The following FAM186A variants were observed in gnomAD, a reference collection of about 807,000 sequenced individuals.
The protein encoded by FAM186A is protein FAM186A.
Under a neutral mutation model 216.8 loss-of-function variants are expected in FAM186A, and 163 were observed. The ratio of observed to expected loss-of-function variants is 0.75; its 90% CI spans 0.66 to 0.86. The LOEUF is 0.86. Ranked by LOEUF, FAM186A falls within the 40% of genes least tolerant of loss-of-function variation. The pLI is 0.00. For synonymous variants in FAM186A, 805 were observed against 1,025.3 expected, an observed-to-expected ratio of 0.79 and a Z score of 4.10; for missense variants, 2,184 against 2,746.2, an observed-to-expected ratio of 0.80 and a Z score of 4.58.
At chr12:50,334,581 G>A (rs1478438445) in intron 4 of FAM186A, among the ~76,000 whole-genome samples, 3 of 150,682 alleles carry the variant, frequency 2.0e-5, no homozygotes, top group Admixed American at 6.6e-5. Flanking sequence ...GGGTTCAAGC[G>A]ATTCTCATGC....
At position 50,355,110 on chromosome 12, in the gene FAM186A, C is replaced by A. The variant is rs527295978; in HGVS notation, c.1722G>T (p.Leu574Phe). The change falls in exon 4 of 8, where the codon TTG becomes TTT. Residue 574 changes from leucine to phenylalanine, a missense_variant. Transcript: ENST00000327337. Reference protein sequence around the residue: ...EIKVEPTTESLDKEGKGEIRS... With the variant: ...EIKVEPTTESFDKEGKGEIRS... ...TAATTTCACCTTTGCCCTCTTTGTCCAATGACTCAGTGGTGGGTTCCACTT... is the reference window on the plus strand; with the variant it reads ...TAATTTCACCTTTGCCCTCTTTGTCAAATGACTCAGTGGTGGGTTCCACTT... 89 of 1,551,652 alleles carry A rather than the reference C, an allele frequency of 5.7e-5. No individual in the cohort carries two copies. In the South Asian group the frequency reaches 1.0e-3, roughly 17 times the overall value.
chr12:50,339,755 C>T (rs1211852093), intron 4 of FAM186A, among the ~76,000 whole-genome samples: 2 of 150,852 alleles, frequency 1.3e-5, no homozygotes, highest in Non-Finnish European at 3.0e-5. Flanking sequence ...CACACACACA[C>T]ACACACACAC....
intron 2 of FAM186A, 65 bp downstream of exon 2, chr12:50,363,080 T>C: frequency 2.3e-6 from 3 of 1,308,086 alleles, no homozygotes; most frequent in Non-Finnish European, 3.1e-6. Context: ...AAAATTTACT[T>C]ATATATTCTC....
In FAM186A at chr12:50,396,319, G is replaced by T; in HGVS notation, c.166C>A (p.Arg56Ser). 1 of 1,550,298 alleles carries T rather than the reference G, an allele frequency of 6.5e-7. No homozygotes were observed. Among genetic ancestry groups the T allele is most frequent in the Non-Finnish European group, 8.7e-7 (1 of 1,146,622 alleles). ...SVKDIISRIE[R>S]AQLHRAREDI... ...TCTCTGGCTCGATGGAGCTGTGCGCGCTCAATCCTAGAGATGATATCCTTT... is the reference window on the plus strand; with the variant it reads ...TCTCTGGCTCGATGGAGCTGTGCGCTCTCAATCCTAGAGATGATATCCTTT... Residue 56 changes from arginine to serine, a missense_variant, in exon 1 of 8, where the codon CGC (arginine) becomes AGC (serine). By Grantham distance (110) the Arg-to-Ser change is moderately radical. Around this residue, in one of 7 missense-constraint regions of FAM186A, gnomAD observed 1,132 missense variants for 1,263.4 expected, o/e 0.90. Transcript: ENST00000327337.
At chr12:50,389,256 T>C (rs986642892) in intron 1 of FAM186A, among the ~76,000 whole-genome samples, 1 of 151,868 alleles carries the variant, frequency 6.6e-6, no homozygotes, top group Non-Finnish European at 1.5e-5. Flanking sequence ...ATCCCAGCAC[T>C]TTGGGAGGCC....
At chr12:50,359,109 T>TA (rs35391111) in intron 3 of FAM186A, among the ~76,000 whole-genome samples, 8,662 of 149,660 alleles carry the variant, frequency 0.058, 317 homozygotes, top group East Asian at 0.14. Context: ...ATGGCCATAA[T>TA]AAAAAAAAAG....
At chr12:50,350,208 A>T in intron 4 of FAM186A, 121 bp downstream of exon 4, 1 of 904,026 alleles carries the variant, frequency 1.1e-6, no homozygotes, top group Non-Finnish European at 1.6e-6. Flanking sequence ...CATAGACCTT[A>T]TATAAGGCAG....
intron 4 of FAM186A, among the ~76,000 whole-genome samples, chr12:50,346,201 A>AAGAAAG (rs375573446): frequency 1.3e-5 from 1 of 76,700 alleles, no homozygotes; most frequent in Admixed American, 2.0e-4. Context: ...GAAAGAAAGA[A>AAGAAAG]AGAGAGAGAG....
chr12:50,368,586 T>A (rs1943112809), intron 1 of FAM186A, among the ~76,000 whole-genome samples: 1 of 152,132 alleles, frequency 6.6e-6, no homozygotes, highest in South Asian at 2.1e-4. Flanking sequence ...ATGTCAATAC[T>A]ACCCAAACCA....
chr12:50,365,569 C>G (rs930449646), intron 1 of FAM186A: 3 of 392,392 alleles, frequency 7.6e-6, no homozygotes, highest in Admixed American at 4.1e-5. Flanking sequence ...ACTGAACTTT[C>G]TCTACAGTCC....
rs1474359080 is a variant in FAM186A, at chr12:50,355,915, AT to A, written c.916del (p.Ile306TyrfsTer32). 1.3e-6 allele frequency: 2 copies of A among 1,551,402 alleles called. No individual in the cohort carries two copies. Among genetic ancestry groups the A allele is most frequent in the East Asian group, 4.9e-5 (2 of 40,922 alleles). On this transcript the variant is annotated frameshift_variant, in exon 4 of 8. Transcript: ENST00000327337. LOFTEE classifies it high-confidence loss of function. ...EAEKELSLKI[I>X]RDLSNENEML... Reference sequence around the variant, plus strand: ...TTCATTTTCGTTACTGAGATCTCGTATTATCTTCAGAGAGAGCTCCTTTTCT... The same window carrying A: ...TTCATTTTCGTTACTGAGATCTCGTATATCTTCAGAGAGAGCTCCTTTTCT...
At chr12:50,329,629 A>T (rs938243190) in intron 7 of FAM186A, among the ~76,000 whole-genome samples, 1 of 147,198 alleles carries the variant, frequency 6.8e-6, no homozygotes, top group African/African-American at 2.5e-5. Context: ...ACAGAGTCTC[A>T]CTCTATTGCC....
At chr12:50,338,870 A>G (rs1942736317) in intron 4 of FAM186A, among the ~76,000 whole-genome samples, 1 of 152,194 alleles carries the variant, frequency 6.6e-6, no homozygotes, top group Admixed American at 6.5e-5. Flanking sequence ...AAGCCCCTGT[A>G]TGCACATAAC....
chr12:50,345,849 A>G (rs140280907), intron 4 of FAM186A, among the ~76,000 whole-genome samples: 187 of 152,118 alleles, frequency 1.2e-3, no homozygotes, highest in African/African-American at 4.3e-3. Context: ...TTTTGGTTCC[A>G]TATGAATTTT....
intron 1 of FAM186A, among the ~76,000 whole-genome samples, chr12:50,380,496 T>A (rs1943243779): frequency 7.7e-6 from 1 of 129,680 alleles, no homozygotes; most frequent in African/African-American, 3.1e-5. Context: ...GCCAACATGA[T>A]GAAACCCTGT....
chr12:50,385,217 A>G (rs1367616362), intron 1 of FAM186A, among the ~76,000 whole-genome samples: 3 of 149,344 alleles, frequency 2.0e-5, no homozygotes, highest in African/African-American at 7.3e-5. Flanking sequence ...CAGGAGTTCA[A>G]GACCAGCCTG....
chr12:50,336,095 A>C (rs1334895979), intron 4 of FAM186A, among the ~76,000 whole-genome samples: 1 of 149,634 alleles, frequency 6.7e-6, no homozygotes, highest in Non-Finnish European at 1.5e-5. Context: ...ATTGCACTCC[A>C]GCCTGGGTGA....
intron 3 of FAM186A, among the ~76,000 whole-genome samples, chr12:50,358,784 G>A (rs7973243): frequency 0.49 from 74,831 of 151,182 alleles, 22,011 homozygotes; most frequent in Non-Finnish European, 0.64. Context: ...TTAACCATGC[G>A]TGGTGGCATG....
chr12:50,377,301 G>A (rs920022823), intron 1 of FAM186A, among the ~76,000 whole-genome samples: 1 of 152,144 alleles, frequency 6.6e-6, no homozygotes, highest in Non-Finnish European at 1.5e-5. Flanking sequence ...ACTCAGTAGA[G>A]AAAGGACAGT....
Sources: gnomAD v4.1 joint callset for allele counts (sites outside exome capture counted in the v4.1 genomes callset) on GRCh38, gnomAD v4.1.1 for gene constraint, gnomAD v4.1.1 regional missense constraint, MANE v1.5 for transcripts, NCBI Gene and HGNC (gene_info 2026-07-23, HGNC 2026-07-21) for gene names.